ELF1: variants seen among roughly 807,000 people sequenced by gnomAD.
The protein encoded by ELF1 is E74 like ETS transcription factor 1.
In ELF1, 24 loss-of-function variants were observed where a neutral mutation model predicts 59.9. That is an observed-to-expected ratio of 0.40 (90% CI 0.29 to 0.56). ELF1 has a LOEUF of 0.56. ELF1 is among the 20% of genes least tolerant of loss of function. ELF1 has a pLI of 0.44. For missense variants in ELF1, 627 were observed against 742.2 expected (o/e 0.84, Z 1.80); for synonymous variants, 248 against 266.2 (o/e 0.93, Z 0.67).
At chr13:40,968,899 T>C (rs1400926978) in intron 2 of ELF1, among the ~76,000 whole-genome samples, 1 of 152,098 alleles carries the variant, frequency 6.6e-6, no homozygotes, top group Non-Finnish European at 1.5e-5. Flanking sequence ...TTTGTGTTTT[T>C]TGTAGAGATG....
Position 40,962,462 on chromosome 13 carries a change from C to T in ELF1, c.73-3446G>A, listed in dbSNP as rs537546156. ...CTTTGGGAGGGCAAGGTGGGTGGATCACTTGAGGTCAGGAGTTCGAGATCA... is the reference window on the plus strand; with the variant it reads ...CTTTGGGAGGGCAAGGTGGGTGGATTACTTGAGGTCAGGAGTTCGAGATCA... On this transcript the variant is annotated intron_variant, in intron 2 of 8. Transcript: ENST00000239882. Among the ~76,000 whole-genome samples, 8 of 151,760 alleles carry T rather than the reference C, an allele frequency of 5.3e-5. No individual in the cohort carries two copies. In the East Asian group the frequency reaches 1.6e-3, roughly 29 times the overall value.
chr13:41,057,113 A>T (rs1877313066), intron 1 of ELF1, among the ~76,000 whole-genome samples: 1 of 150,786 alleles, frequency 6.6e-6, no homozygotes, highest in South Asian at 2.1e-4. Context: ...TTTAAATACC[A>T]GCGTTCATCT....
intron 1 of ELF1, among the ~76,000 whole-genome samples, chr13:41,006,980 T>C (rs1324783675): frequency 6.6e-6 from 1 of 152,152 alleles, no homozygotes; most frequent in Non-Finnish European, 1.5e-5. Context: ...ATAAACACAA[T>C]GGCTATTTGG....
At chr13:40,948,226 A>T (rs1870622384) in intron 5 of ELF1, among the ~76,000 whole-genome samples, 1 of 152,236 alleles carries the variant, frequency 6.6e-6, no homozygotes, top group African/African-American at 2.4e-5. Context: ...CCATTCCACT[A>T]CTAAGTATTT....
chr13:40,997,632 T>C (rs2138323919), intron 1 of ELF1, among the ~76,000 whole-genome samples: 1 of 151,778 alleles, frequency 6.6e-6, no homozygotes, highest in East Asian at 1.9e-4. Context: ...GGCTCAAGCA[T>C]TCCTCCCACC....
intron 1 of ELF1, among the ~76,000 whole-genome samples, chr13:40,998,964 G>A (rs1014551616): frequency 2.1e-4 from 32 of 152,222 alleles, no homozygotes; most frequent in South Asian, 6.2e-4. Flanking sequence ...ACTTCAGCCC[G>A]GGCGACTGAG....
intron 1 of ELF1, among the ~76,000 whole-genome samples, chr13:40,992,160 A>G (rs971091360): frequency 6.6e-6 from 1 of 151,742 alleles, no homozygotes; most frequent in African/African-American, 2.4e-5. Context: ...TAATTATTTT[A>G]TTTGTCATTT....
intron 7 of ELF1, 22 bp from the exon 8 acceptor site, chr13:40,941,392 A>G: frequency 6.6e-7 from 1 of 1,525,646 alleles, no homozygotes; most frequent in Non-Finnish European, 8.8e-7. Flanking sequence ...AGACAATTTC[A>G]TCAATCAATC....
chr13:41,048,540 C>T (rs576619529), intron 1 of ELF1, among the ~76,000 whole-genome samples: 14 of 152,042 alleles, frequency 9.2e-5, no homozygotes, highest in Non-Finnish European at 1.2e-4. Flanking sequence ...CTCAGCCTCC[C>T]GAGTAGCTGG....
At chr13:40,952,002 T>C (rs1446207355) in intron 3 of ELF1, among the ~76,000 whole-genome samples, 2 of 152,240 alleles carry the variant, frequency 1.3e-5, no homozygotes. Flanking sequence ...AGACAGTTTT[T>C]TGCTTAAATC....
chr13:41,056,758 T>C (rs1441619995), intron 1 of ELF1, among the ~76,000 whole-genome samples: 2 of 150,956 alleles, frequency 1.3e-5, no homozygotes, highest in African/African-American at 2.4e-5. Flanking sequence ...ACTAAGAAAA[T>C]GAAAAAAATG....
chr13:40,936,662 G>A (rs1439436588), intron 8 of ELF1, among the ~76,000 whole-genome samples: 1 of 150,424 alleles, frequency 6.6e-6, no homozygotes, highest in African/African-American at 2.4e-5. Context: ...TGGGGAGGCT[G>A]AGGCAGGAGA....
intron 2 of ELF1, among the ~76,000 whole-genome samples, chr13:40,968,596 C>T (rs908636622): frequency 1.3e-5 from 2 of 152,034 alleles, no homozygotes; most frequent in East Asian, 3.9e-4. Flanking sequence ...AAGCCCAGTA[C>T]AAAGTTTTCT....
chr13:41,034,166 G>C (rs1876281519), intron 1 of ELF1, among the ~76,000 whole-genome samples: 1 of 152,144 alleles, frequency 6.6e-6, no homozygotes, highest in African/African-American at 2.4e-5. Context: ...CAAAATACCT[G>C]ACTGGTACTC....
intron 1 of ELF1, among the ~76,000 whole-genome samples, chr13:41,041,135 G>A (rs969699792): frequency 6.6e-6 from 1 of 151,938 alleles, no homozygotes; most frequent in Non-Finnish European, 1.5e-5. Context: ...CAGTGGGGTA[G>A]GAGGAAGCAT....
intron 1 of ELF1, among the ~76,000 whole-genome samples, chr13:41,010,052 A>G (rs1288965789): frequency 3.7e-4 from 35 of 93,584 alleles, no homozygotes; most frequent in African/African-American, 1.4e-3. Flanking sequence ...TAGCATATTG[A>G]AAAAAAAAAA....
At chr13:40,993,808 A>AT (rs1180066547) in intron 1 of ELF1, among the ~76,000 whole-genome samples, 25 of 152,090 alleles carry the variant, frequency 1.6e-4, no homozygotes, top group Admixed American at 7.2e-4. Flanking sequence ...TAAATTAGGC[A>AT]TTTTTTAATT....
At chr13:41,025,800 T>G (rs1016666227) in intron 1 of ELF1, among the ~76,000 whole-genome samples, 1 of 152,212 alleles carries the variant, frequency 6.6e-6, no homozygotes, top group Admixed American at 6.5e-5. Flanking sequence ...ATCATAAGCT[T>G]AACCAAGTGG....
chr13:40,990,188 T>C (rs1156538264), intron 1 of ELF1, among the ~76,000 whole-genome samples: 1 of 152,210 alleles, frequency 6.6e-6, no homozygotes, highest in African/African-American at 2.4e-5. Context: ...TCAGGTCTTT[T>C]ACATTATTTC....
Sources: allele counts gnomAD v4.1 joint callset (sites outside exome capture counted in the v4.1 genomes callset), GRCh38; gene constraint gnomAD v4.1.1; transcripts MANE v1.5; gene names NCBI Gene and HGNC (gene_info 2026-07-23, HGNC 2026-07-21).